The following ITGA9 variants were observed in gnomAD, a reference collection of about 807,000 sequenced individuals.
ITGA9 encodes integrin alpha-9.
In ITGA9, 56 loss-of-function variants were observed where a neutral mutation model predicts 127.8. The ratio of observed to expected loss-of-function variants is 0.44; its 90% CI spans 0.35 to 0.55. The LOEUF is 0.55. Among genes scored for constraint, ITGA9 ranks in the 20% least tolerant of loss-of-function variants. The pLI, the probability that ITGA9 is intolerant of heterozygous loss-of-function variation, is 0.00. For missense variants in ITGA9, 1,196 were observed against 1,347.1 expected, an observed-to-expected ratio of 0.89 and a Z score of 1.76; for synonymous variants, 508 against 514.5, an observed-to-expected ratio of 0.99 and a Z score of 0.17.
At chr3:37,815,125 C>T (rs928028075) in intron 27 of ITGA9, among the ~76,000 whole-genome samples, 2 of 152,206 alleles carry the variant, frequency 1.3e-5, no homozygotes, top group African/African-American at 2.4e-5. Context: ...CAAGAGATGA[C>T]AGTGCCTTCA....
chr3:37,575,385 C>G (rs903580302), intron 15 of ITGA9, among the ~76,000 whole-genome samples: 3 of 152,132 alleles, frequency 2.0e-5, no homozygotes, highest in African/African-American at 7.2e-5. Flanking sequence ...TCTCTGCTGT[C>G]TCCTATTTAA....
chr3:37,523,214 C>T (rs1699061412), intron 11 of ITGA9, among the ~76,000 whole-genome samples: 1 of 152,150 alleles, frequency 6.6e-6, no homozygotes, highest in Non-Finnish European at 1.5e-5. Flanking sequence ...GGAAGTTAAA[C>T]TTTATCCATT....
At chr3:37,698,021 G>A (rs1018980423) in intron 18 of ITGA9, among the ~76,000 whole-genome samples, 52 of 152,270 alleles carry the variant, frequency 3.4e-4, no homozygotes, top group African/African-American at 1.2e-3. Context: ...TTTAATGATT[G>A]CCATTCTAAC....
At chr3:37,772,079 C>A (rs1373821524) in intron 23 of ITGA9, among the ~76,000 whole-genome samples, 1 of 152,126 alleles carries the variant, frequency 6.6e-6, no homozygotes, top group Non-Finnish European at 1.5e-5. Flanking sequence ...AATTGGGCCT[C>A]CTGTTGCCTC....
intron 2 of ITGA9, among the ~76,000 whole-genome samples, chr3:37,472,241 G>A (rs1317809206): frequency 3.9e-5 from 6 of 152,170 alleles, no homozygotes; most frequent in African/African-American, 1.4e-4. Context: ...TCGCAAGGAT[G>A]GTCTTGAGAA....
intron 18 of ITGA9, among the ~76,000 whole-genome samples, chr3:37,690,866 A>G (rs1226382755): frequency 1.3e-5 from 2 of 152,170 alleles, no homozygotes; most frequent in Non-Finnish European, 2.9e-5. Flanking sequence ...AAACAATGGT[A>G]GGGAGGTGAA....
chr3:37,506,128 A>T (rs1313913201), intron 7 of ITGA9, 43 bp downstream of exon 7: 1 of 1,380,086 alleles, frequency 7.2e-7, no homozygotes. Context: ...CAGACAGAAG[A>T]GGGGAGCATG....
intron 11 of ITGA9, among the ~76,000 whole-genome samples, chr3:37,522,398 G>A (rs1017511897): frequency 1.3e-5 from 2 of 152,186 alleles, no homozygotes; most frequent in African/African-American, 2.4e-5. Context: ...TGTTGAATCA[G>A]TGCTGCCTGT....
intron 17 of ITGA9, among the ~76,000 whole-genome samples, chr3:37,680,370 C>G (rs17036779): frequency 0.069 from 10,566 of 152,120 alleles, 1,172 homozygotes; most frequent in African/African-American, 0.23. Flanking sequence ...TGAGACTCCT[C>G]TAAAAAAAAT....
chr3:37,782,735 C>T (rs908940917), intron 25 of ITGA9, among the ~76,000 whole-genome samples: 10 of 152,208 alleles, frequency 6.6e-5, no homozygotes, highest in Non-Finnish European at 1.5e-4. Flanking sequence ...GGCCTGCAGT[C>T]GTGTTTATTT....
chr3:37,802,933 G>C (rs1697251767), intron 26 of ITGA9, among the ~76,000 whole-genome samples: 1 of 152,178 alleles, frequency 6.6e-6, no homozygotes, highest in Non-Finnish European at 1.5e-5. Context: ...TGGAACATGG[G>C]CTCCAATTGC....
chr3:37,682,326 A>C (rs1378614478), intron 17 of ITGA9, among the ~76,000 whole-genome samples: 1 of 152,230 alleles, frequency 6.6e-6, no homozygotes, highest in African/African-American at 2.4e-5. Context: ...CAGAAGGCTG[A>C]TTCCAATGGC....
At chr3:37,667,415 G>GT (rs1440557932) in intron 17 of ITGA9, among the ~76,000 whole-genome samples, 2 of 152,164 alleles carry the variant, frequency 1.3e-5, no homozygotes, top group Non-Finnish European at 2.9e-5. Flanking sequence ...AGGGCTCCAA[G>GT]TTTTGTTCCC....
chr3:37,457,451 G>A (rs1277240497), intron 1 of ITGA9, among the ~76,000 whole-genome samples: 1 of 152,178 alleles, frequency 6.6e-6, no homozygotes, highest in East Asian at 1.9e-4. Context: ...GCTGCCCCTG[G>A]CCCTGCCCGT....
At chr3:37,536,175 A>C (rs1394297883) in intron 14 of ITGA9, among the ~76,000 whole-genome samples, 2 of 152,170 alleles carry the variant, frequency 1.3e-5, no homozygotes, top group African/African-American at 4.8e-5. Flanking sequence ...GTGCTGGCCA[A>C]CTCTGTCATC....
chr3:37,515,586 A>C (rs1279178026), intron 9 of ITGA9, among the ~76,000 whole-genome samples: 1 of 152,088 alleles, frequency 6.6e-6, no homozygotes. Context: ...AAAAACACAC[A>C]AAAAAATTAG....
chr3:37,678,780 T>C (rs1229518756), intron 17 of ITGA9, among the ~76,000 whole-genome samples: 2 of 152,214 alleles, frequency 1.3e-5, no homozygotes, highest in Admixed American at 1.3e-4. Context: ...TGATTCAGCA[T>C]ATGTGGTTGA....
intron 11 of ITGA9, among the ~76,000 whole-genome samples, chr3:37,521,416 C>G (rs563352532): frequency 6.6e-6 from 1 of 152,206 alleles, no homozygotes; most frequent in Non-Finnish European, 1.5e-5. Context: ...GAGTTTACCA[C>G]GGAGAGTGTT....
chr3:37,591,126 G>A (rs1575160093), intron 15 of ITGA9, among the ~76,000 whole-genome samples: 1 of 152,152 alleles, frequency 6.6e-6, no homozygotes, highest in South Asian at 2.1e-4. Context: ...CTCGATTTTT[G>A]GGGTAAACAG....
Sources: gnomAD v4.1 joint callset for allele counts (sites outside exome capture counted in the v4.1 genomes callset) on GRCh38, gnomAD v4.1.1 for gene constraint, MANE v1.5 for transcripts, NCBI Gene and HGNC (gene_info 2026-07-23, HGNC 2026-07-21) for gene names.